Variants in ATXN10 observed in about 807,000 individuals in gnomAD.
ATXN10 encodes the protein ataxin 10, also known as ataxin-10.
Under a neutral mutation model 52.9 loss-of-function variants are expected in ATXN10, and 28 were observed. The ratio of observed to expected loss-of-function variants is 0.53; its 90% CI spans 0.39 to 0.73. The LOEUF is 0.73. ATXN10 is among the 30% of genes least tolerant of loss of function. The probability of loss-of-function intolerance (pLI) is 0.00; values close to 1 mark genes in which losing one functional copy is unlikely to be tolerated. For synonymous variants in ATXN10, 226 were observed against 221.5 expected (o/e 1.02, Z -0.18); for missense variants, 565 against 577.0 (o/e 0.98, Z 0.21).
chr22:45,733,991 A>G lies in ATXN10; in HGVS notation c.894+4401A>G, dbSNP rs532372693. Among the ~76,000 whole-genome samples the G allele has an allele frequency of 1.1e-4, 16 of 152,156 alleles. No individual in the cohort carries two copies. Among genetic ancestry groups the G allele is most frequent in the African/African-American group, 3.9e-4 (16 of 41,538 alleles). The stretch of plus-strand genomic sequence containing the variant: ...ATGTGTATATTCATTGTATGTTTTT[A>G]ATAGTTGAATAATATTTAACTATAT... On this transcript the variant is annotated intron_variant, in intron 7 of 11. Coordinates refer to ENST00000252934, the MANE Select transcript of ATXN10 (RefSeq NM_013236.4). The surrounding 1 kb of genome is among the most constrained non-coding windows in gnomAD (Gnocchi z 4.4).
At chr22:45,716,140 G>A (rs769507801) in intron 5 of ATXN10, among the ~76,000 whole-genome samples, 2 of 152,068 alleles carry the variant, frequency 1.3e-5, no homozygotes, top group South Asian at 2.1e-4. Flanking sequence ...TGGCACATGC[G>A]TGTAGTTCTA....
At position 45,671,976 on chromosome 22, in the gene ATXN10, T is replaced by A. The variant is rs1490794495; in HGVS notation, c.-88T>A. The A allele has an allele frequency of 1.4e-6, 2 of 1,432,814 alleles. No homozygotes were observed. The highest frequency in any genetic ancestry group is 1.9e-6 in the Non-Finnish European group (2 of 1,062,416). 88.8% of individuals were successfully genotyped at this position (1,432,814 alleles called of 1,614,324 possible). On this transcript the variant is annotated 5_prime_UTR_variant, in exon 1 of 12. Transcript: ENST00000252934. ...GAGGCCTCCCCCTTCCTCCTCGCCA[T>A]CCTACTCCTCCCTCCTCGTCATCCT...
intron 5 of ATXN10, among the ~76,000 whole-genome samples, chr22:45,711,929 A>C (rs1924265145): frequency 6.6e-6 from 1 of 152,198 alleles, no homozygotes; most frequent in African/African-American, 2.4e-5. Context: ...CAGTGTATGG[A>C]ATGCATCTTG....
intron 6 of ATXN10, among the ~76,000 whole-genome samples, chr22:45,724,374 A>G (rs1924784838): frequency 6.6e-6 from 1 of 152,148 alleles, no homozygotes; most frequent in Non-Finnish European, 1.5e-5. Context: ...TGACAGGTTA[A>G]GGTGGCATCT....
chr22:45,764,021 C>G (rs1188781885), intron 9 of ATXN10, among the ~76,000 whole-genome samples: 1 of 152,166 alleles, frequency 6.6e-6, no homozygotes, highest in East Asian at 1.9e-4. Flanking sequence ...AGTTTCTCCC[C>G]GGCCTCTCCG....
In ATXN10 at chr22:45,678,005, T is replaced by G. The variant is rs2146723329; in HGVS notation, c.116+5826T>G. ...GGACAAATTCTGTATGATTCTGCTT[T>G]TATGAAGTACCTAGAACAGACAAAC... On this transcript the variant is annotated intron_variant, in intron 1 of 11. Transcript: ENST00000252934. This position sits in a 1 kb window ranked among gnomAD's most constrained non-coding sequence, Gnocchi z 4.1. The G allele has an allele frequency of 6.6e-6, 1 of 152,286 alleles. No homozygotes were observed. Among genetic ancestry groups the G allele is most frequent in the Admixed American group, 6.5e-5 (1 of 15,302 alleles). The allele number at this position is 152,286 out of a possible 1,614,324, so 9.4% of individuals were successfully genotyped here. A position where few individuals can be genotyped will look rare whatever the true frequency, so the allele number is the denominator to read the frequency against.
chr22:45,688,728 G>T lies in ATXN10; in HGVS notation c.117-984G>T. On this transcript the variant is annotated intron_variant, in intron 1 of 11. Coordinates refer to ENST00000252934, the MANE Select transcript of ATXN10 (RefSeq NM_013236.4). The surrounding 1 kb of genome is among the most constrained non-coding windows in gnomAD (Gnocchi z 4.0). ...GGCTCAATCCAAGGGTGAAAGGTAG[G>T]GCACTGTGAATCTACAGCGAGAGCA... is the stretch of plus-strand genomic sequence containing the variant. Among the ~76,000 whole-genome samples, 1 of 152,188 alleles carries T rather than the reference G, an allele frequency of 6.6e-6. No individual in the cohort carries two copies. Among genetic ancestry groups the T allele is most frequent in the Middle Eastern group, 3.2e-3 (1 of 316 alleles).
chr22:45,761,568 A>G (rs903274794), intron 9 of ATXN10, among the ~76,000 whole-genome samples: 16 of 152,242 alleles, frequency 1.1e-4, no homozygotes, highest in Admixed American at 4.6e-4. Flanking sequence ...ATACAGTATC[A>G]TAGGTATAAT....
chr22:45,697,918 C>A (rs1187560019), intron 3 of ATXN10, among the ~76,000 whole-genome samples: 2 of 152,356 alleles, frequency 1.3e-5, no homozygotes, highest in East Asian at 3.9e-4. Flanking sequence ...GCGTGAGCCA[C>A]CGCTCCTGGC....
At chr22:45,725,795 T>C (rs1382132347) in intron 6 of ATXN10, among the ~76,000 whole-genome samples, 1 of 152,198 alleles carries the variant, frequency 6.6e-6, no homozygotes, top group East Asian at 1.9e-4. Context: ...TGAGGTTGGC[T>C]ATGGGTTTGT....
rs950682519 is a variant in ATXN10, at chr22:45,678,742, A to G, written c.116+6563A>G. On this transcript the variant is annotated intron_variant, in intron 1 of 11. Transcript: ENST00000252934. The surrounding 1 kb of genome is among the most constrained non-coding windows in gnomAD (Gnocchi z 4.1). ...TACTCAAATTGCTAAAATGCTATTG[A>G]TTAGTTTACCATGTAATTCATTCAT... The G allele has an allele frequency of 3.9e-5, 6 of 152,204 alleles. No homozygotes were observed. Among genetic ancestry groups the G allele is most frequent in the African/African-American group, 1.4e-4 (6 of 41,446 alleles). 9.4% of individuals were successfully genotyped at this position (152,204 alleles called of 1,614,324 possible). A position where few individuals can be genotyped will look rare whatever the true frequency, so the allele number is the denominator to read the frequency against.
rs1375668974 is a variant in ATXN10 at position 45,823,057 on chromosome 22, GGTA to G, written c.1237+16036_1237+16038del. The G allele has an allele frequency of 4.9e-6, 2 of 404,768 alleles. No homozygotes were observed. Among genetic ancestry groups the G allele is most frequent in the Non-Finnish European group, 1.0e-5 (2 of 195,992 alleles). The allele number at this position is 404,768 out of a possible 1,614,324, so 25.1% of individuals were successfully genotyped here. On this transcript the variant is annotated intron_variant, in intron 10 of 11. Transcript: ENST00000252934. This position sits in a 1 kb window ranked among gnomAD's most constrained non-coding sequence, Gnocchi z 4.9. ...TCATGGTGTCTTATTATTTCATTGA[GGTA>G]TAACTTAAATAGAGTAAACTGCAAA... is the stretch of plus-strand genomic sequence containing the variant.
At position 45,718,339 on chromosome 22, in the gene ATXN10, C is replaced by T. The variant is rs1345526725; in HGVS notation, c.648-74C>T. The T allele has an allele frequency of 3.6e-6, 4 of 1,098,658 alleles. No individual in the cohort carries two copies. Among genetic ancestry groups the T allele is most frequent in the Non-Finnish European group, 5.6e-6 (4 of 710,636 alleles). 68.1% of individuals were successfully genotyped at this position (1,098,658 alleles called of 1,614,324 possible). ...AAATGCTTTTGTGTGTAAGTGGTGC[C>T]TATAAAGTAGATAAGGGCATGTCTC... On this transcript the variant is annotated intron_variant, in intron 5 of 11. Coordinates refer to ENST00000252934, the MANE Select transcript of ATXN10 (RefSeq NM_013236.4). This position sits in a 1 kb window ranked among gnomAD's most constrained non-coding sequence, Gnocchi z 4.4.
chr22:45,819,890 G>C lies in ATXN10; in HGVS notation c.1237+12868G>C, dbSNP rs1928592704. Among the ~76,000 whole-genome samples, 1 of 152,184 alleles carries C rather than the reference G, an allele frequency of 6.6e-6. No individual in the cohort carries two copies. Among genetic ancestry groups the C allele is most frequent in the Admixed American group, 6.5e-5 (1 of 15,284 alleles). Reference sequence around the variant, plus strand: ...TATATATTTTGTGAGACACTTGAGAGACTGGGTAGCCAAAGTTTGGCATAA... The same window carrying C: ...TATATATTTTGTGAGACACTTGAGACACTGGGTAGCCAAAGTTTGGCATAA... On this transcript the variant is annotated intron_variant, in intron 10 of 11. Coordinates refer to ENST00000252934, the MANE Select transcript of ATXN10 (RefSeq NM_013236.4). This position sits in a 1 kb window ranked among gnomAD's most constrained non-coding sequence, Gnocchi z 4.5.
chr22:45,811,806 T>A (rs762616807), intron 10 of ATXN10: 41 of 470,442 alleles, frequency 8.7e-5, no homozygotes, highest in Non-Finnish European at 1.8e-4. Context: ...GATTTTTGAT[T>A]CCCCATTCAT....
chr22:45,786,189 G>C lies in ATXN10; in HGVS notation c.1174-20770G>C, dbSNP rs898955703. Among the ~76,000 whole-genome samples, 1 of 152,178 alleles carries C rather than the reference G, an allele frequency of 6.6e-6. No homozygotes were observed. Among genetic ancestry groups the C allele is most frequent in the African/African-American group, 2.4e-5 (1 of 41,448 alleles). On this transcript the variant is annotated intron_variant, in intron 9 of 11. Transcript: ENST00000252934. This position sits in a 1 kb window ranked among gnomAD's most constrained non-coding sequence, Gnocchi z 4.1. ...TGGTAGTTGAACTCAGAGAATATTT[G>C]TATTAATCACATTGTGTTTTGTACT...
At chr22:45,794,645 G>A (rs1037796006) in intron 9 of ATXN10, among the ~76,000 whole-genome samples, 2 of 152,122 alleles carry the variant, frequency 1.3e-5, no homozygotes, top group African/African-American at 4.8e-5. Flanking sequence ...CTTCAGAAAT[G>A]ATGCAAGACA....
intron 9 of ATXN10, among the ~76,000 whole-genome samples, chr22:45,748,850 C>G (rs983012603): frequency 6.6e-6 from 1 of 152,100 alleles, no homozygotes; most frequent in African/African-American, 2.4e-5. Flanking sequence ...GTTCCTGTAA[C>G]AGTAAATGAA....
At chr22:45,703,260 C>T (rs73441157) in intron 5 of ATXN10, among the ~76,000 whole-genome samples, 2 of 152,122 alleles carry the variant, frequency 1.3e-5, no homozygotes, top group Admixed American at 6.6e-5. Flanking sequence ...AAATTGCCCC[C>T]CGATACATAA....
Sources: gnomAD v4.1 joint callset for allele counts (sites outside exome capture counted in the v4.1 genomes callset) on GRCh38, gnomAD v4.1.1 for gene constraint, Gnocchi (gnomAD v3.1) non-coding constraint, MANE v1.5 for transcripts, NCBI Gene and HGNC (gene_info 2026-07-23, HGNC 2026-07-21) for gene names.